The following MBNL2 variants were observed in gnomAD, a reference collection of about 807,000 sequenced individuals.
The protein encoded by MBNL2 is muscleblind-like protein 2.
In MBNL2, 17 loss-of-function variants were observed where a neutral mutation model predicts 41.9. That is an observed-to-expected ratio of 0.41 (90% CI 0.28 to 0.61). The LOEUF is 0.61. Ranked by LOEUF, MBNL2 falls within the 20% of genes least tolerant of loss-of-function variation. MBNL2 has a pLI of 0.35. For synonymous variants in MBNL2, 195 were observed against 182.9 expected (o/e 1.07, Z -0.53); for missense variants, 336 against 505.6 (o/e 0.66, Z 3.22).
the MBNL2 span, among the ~76,000 whole-genome samples, chr13:97,195,170 G>A: frequency 8.9e-3 from 1,352 of 152,168 alleles, 61 homozygotes; most frequent in Admixed American, 0.065. Context: ...ATCTGGAGGC[G>A]ACCTCTCGAT....
chr13:97,311,584 G>A (rs1215639970), intron 2 of MBNL2, among the ~76,000 whole-genome samples: 1 of 152,062 alleles, frequency 6.6e-6, no homozygotes, highest in African/African-American at 2.4e-5. Context: ...TACAAAAATA[G>A]CAAACTGAAA....
intron 8 of MBNL2, among the ~76,000 whole-genome samples, chr13:97,373,175 T>C (rs2153138950): frequency 6.6e-6 from 1 of 152,290 alleles, no homozygotes. Context: ...CCACGTATGT[T>C]GTTCTCCAAA....
rs1330342192 is a variant in MBNL2, at chr13:97,255,325, T to C, written c.-604-20307T>C. 2.6e-5 allele frequency among the ~76,000 whole-genome samples: 4 copies of C among 152,356 alleles called. No individual in the cohort carries two copies. The East Asian group carries it at 7.7e-4, about 29-fold the overall frequency. On this transcript the variant is annotated intron_variant, in intron 1 of 8. Transcript: ENST00000679496. ...TCTAATATAAAAAACACATTTTAAA[T>C]TGCATACCACTTCAATTATTTGACT...
the MBNL2 span, among the ~76,000 whole-genome samples, chr13:97,192,101 T>G: frequency 6.6e-6 from 1 of 152,252 alleles, no homozygotes; most frequent in South Asian, 2.1e-4. Context: ...TGGTTGGCCT[T>G]TAGAGGTTAA....
At chr13:97,199,495 T>C in the MBNL2 span, among the ~76,000 whole-genome samples, 1 of 152,236 alleles carries the variant, frequency 6.6e-6, no homozygotes, top group African/African-American at 2.4e-5. Context: ...GGGGCTTAAG[T>C]ATTAATTGTG....
the MBNL2 span, among the ~76,000 whole-genome samples, chr13:97,160,982 T>C: frequency 6.6e-6 from 1 of 152,324 alleles, no homozygotes; most frequent in Admixed American, 6.5e-5. Context: ...TGAAGATATT[T>C]GTTGGTTGTC....
chr13:97,254,909 A>C (rs1394951856), intron 1 of MBNL2, among the ~76,000 whole-genome samples: 1 of 152,172 alleles, frequency 6.6e-6, no homozygotes, highest in Non-Finnish European at 1.5e-5. Context: ...TTCCAGCCGC[A>C]AAGGTGACAC....
chr13:97,271,226 A>T (rs1237509911), intron 1 of MBNL2, among the ~76,000 whole-genome samples: 1 of 147,678 alleles, frequency 6.8e-6, no homozygotes, highest in Admixed American at 6.9e-5. Context: ...AGCAATTCTC[A>T]TGCCTCAGCC....
At chr13:97,315,018 TATAA>T (rs1461408369) in intron 2 of MBNL2, among the ~76,000 whole-genome samples, 8 of 152,264 alleles carry the variant, frequency 5.3e-5, no homozygotes, top group African/African-American at 1.7e-4. Flanking sequence ...TTTTCATATA[TATAA>T]ATAATTTGTA....
At chr13:97,367,974 T>C (rs1191443950) in intron 8 of MBNL2, among the ~76,000 whole-genome samples, 1 of 152,160 alleles carries the variant, frequency 6.6e-6, no homozygotes, top group Non-Finnish European at 1.5e-5. Flanking sequence ...ATCTTTCCAT[T>C]ATTAGGTCCA....
chr13:97,261,582 C>T (rs1288764525), intron 1 of MBNL2, among the ~76,000 whole-genome samples: 2 of 152,182 alleles, frequency 1.3e-5, no homozygotes, highest in Non-Finnish European at 2.9e-5. Context: ...TAAATTAACG[C>T]TCTTTCGCTG....
At chr13:97,199,597 G>A in the MBNL2 span, among the ~76,000 whole-genome samples, 1 of 152,224 alleles carries the variant, frequency 6.6e-6, no homozygotes, top group Non-Finnish European at 1.5e-5. Flanking sequence ...CTGTGGGTAT[G>A]GAGAGAGATT....
At chr13:97,254,697 T>C (rs2047193701) in intron 1 of MBNL2, among the ~76,000 whole-genome samples, 1 of 152,178 alleles carries the variant, frequency 6.6e-6, no homozygotes, top group South Asian at 2.1e-4. Context: ...ACTTCCAAAT[T>C]TGCTTTTTAA....
the MBNL2 span, among the ~76,000 whole-genome samples, chr13:97,202,235 G>T: frequency 4.6e-5 from 7 of 152,222 alleles, no homozygotes; most frequent in Admixed American, 1.3e-4. Flanking sequence ...ACTGAAATTG[G>T]GTGATGCATA....
intron 8 of MBNL2, among the ~76,000 whole-genome samples, chr13:97,376,906 C>T (rs540667141): frequency 6.6e-6 from 1 of 152,318 alleles, no homozygotes; most frequent in South Asian, 2.1e-4. Context: ...AATTCACACA[C>T]ATAGCAAGAG....
intron 3 of MBNL2, 26 bp from the exon 4 acceptor site, chr13:97,342,990 T>C (rs1216967091): frequency 7.0e-7 from 1 of 1,424,208 alleles, no homozygotes; most frequent in African/African-American, 1.4e-5. Flanking sequence ...AATAACTCTT[T>C]CTCCTGTGTT....
chr13:97,278,319 T>C (rs550923333), intron 2 of MBNL2, among the ~76,000 whole-genome samples: 15 of 145,512 alleles, frequency 1.0e-4, no homozygotes, highest in Non-Finnish European at 1.2e-4. Flanking sequence ...CTTCAAGATA[T>C]GAAAACAGGT....
At chr13:97,158,619 G>T in the MBNL2 span, among the ~76,000 whole-genome samples, 1 of 151,190 alleles carries the variant, frequency 6.6e-6, no homozygotes, top group African/African-American at 2.4e-5. Context: ...TGGTTTCAAA[G>T]AACATCTTTA....
At chr13:97,361,787 T>G (rs1302058848) in intron 7 of MBNL2, among the ~76,000 whole-genome samples, 1 of 74,758 alleles carries the variant, frequency 1.3e-5, no homozygotes, top group African/African-American at 5.1e-5. Context: ...TTTTTTTTTT[T>G]GAGACAGAGT....
Sources: gnomAD v4.1 joint callset for allele counts (sites outside exome capture counted in the v4.1 genomes callset) on GRCh38, gnomAD v4.1.1 for gene constraint, MANE v1.5 for transcripts, NCBI Gene and HGNC (gene_info 2026-07-23, HGNC 2026-07-21) for gene names.